Variants in THSD7A observed in about 807,000 individuals in gnomAD.
THSD7A encodes the protein thrombospondin type-1 domain-containing protein 7A.
A neutral mutation model predicts 231.3 loss-of-function variants in THSD7A; 96 were observed. The ratio of observed to expected loss-of-function variants is 0.41; its 90% confidence interval spans 0.35 to 0.49. The LOEUF (loss-of-function observed/expected upper bound fraction) is 0.49, where lower values mean the gene tolerates loss of function less well. THSD7A is among the 20% of genes least tolerant of loss of function. The pLI, the probability that THSD7A is intolerant of heterozygous loss-of-function variation, is 0.05. For synonymous variants in THSD7A, 940 were observed against 743.3 expected, an observed-to-expected ratio of 1.26 and a Z score of -4.30; for missense variants, 2,290 against 2,070.2, an observed-to-expected ratio of 1.11 and a Z score of -2.06.
At chr7:11,460,351 A>AAAAC (rs58099419) in intron 11 of THSD7A, among the ~76,000 whole-genome samples, 5,540 of 152,040 alleles carry the variant, frequency 0.036, 380 homozygotes, top group African/African-American at 0.13. Context: ...CCGTAATCTA[A>AAAAC]AAACAAACAA....
At chr7:11,764,988 GAGAT>G (rs1373535574) in intron 1 of THSD7A, among the ~76,000 whole-genome samples, 1 of 152,034 alleles carries the variant, frequency 6.6e-6, no homozygotes, top group Admixed American at 6.6e-5. Flanking sequence ...ACAAACCTGA[GAGAT>G]AAGGAAGATA....
At chr7:11,616,698 A>G (rs1347580497) in intron 2 of THSD7A, among the ~76,000 whole-genome samples, 1 of 152,010 alleles carries the variant, frequency 6.6e-6, no homozygotes, top group Non-Finnish European at 1.5e-5. Flanking sequence ...AGCTCTCCCC[A>G]GTGTCTTCTT....
intron 8 of THSD7A, among the ~76,000 whole-genome samples, chr7:11,470,724 TAAAG>T (rs1452268960): frequency 2.0e-5 from 3 of 151,718 alleles, no homozygotes; most frequent in African/African-American, 4.8e-5. Flanking sequence ...TGAAGATAAA[TAAAG>T]ATAGTAAATC....
chr7:11,447,336 G>A lies in THSD7A; in HGVS notation c.2694C>T (p.Ala898=). Residue 898 remains alanine (A), a synonymous_variant, in exon 12 of 28, where the codon GCC becomes GCT. Coordinates refer to ENST00000423059, the MANE Select transcript of THSD7A (RefSeq NM_015204.3). The part of the protein sequence containing the change: ...YAGPVPALTQ[A]CQIPCQDDCQ... ...AGTCATCCTGGCAGGGGATCTGGCAGGCCTGGGTAAGGGCTGGCACAGGGC... is the reference window on the plus strand; with the variant it reads ...AGTCATCCTGGCAGGGGATCTGGCAAGCCTGGGTAAGGGCTGGCACAGGGC... The A allele has an allele frequency of 6.2e-7, 1 of 1,612,800 alleles. No homozygotes were observed. The highest frequency in any genetic ancestry group is 2.2e-5 in the East Asian group (1 of 44,744).
intron 4 of THSD7A, among the ~76,000 whole-genome samples, chr7:11,569,129 C>G (rs1349609131): frequency 6.6e-6 from 1 of 151,894 alleles, no homozygotes; most frequent in Non-Finnish European, 1.5e-5. Flanking sequence ...TTGGTCTAGG[C>G]AAAGATTTTA....
At chr7:11,663,586 T>C (rs1783014284) in intron 1 of THSD7A, among the ~76,000 whole-genome samples, 1 of 151,604 alleles carries the variant, frequency 6.6e-6, no homozygotes, top group Non-Finnish European at 1.5e-5. Flanking sequence ...AGAAGACATA[T>C]TACAAGGAGA....
At position 11,447,187 on chromosome 7, in the gene THSD7A, C is replaced by T. The variant is rs1220877137; in HGVS notation, c.2800+43G>A. The T allele has an allele frequency of 3.8e-6, 6 of 1,583,598 alleles. No individual in the cohort carries two copies. In the Admixed American group the frequency reaches 8.4e-5, roughly 22 times the overall value. ...TCAGTCTGACTTGTATTATGTTCCT[C>T]TACTTTGACGTGTACTGGCTTTGGC... is the stretch of plus-strand genomic sequence containing the variant. On this transcript the variant is annotated intron_variant, in intron 12 of 27. Transcript: ENST00000423059.
chr7:11,422,024 A>G (rs1784161262), intron 16 of THSD7A, among the ~76,000 whole-genome samples: 1 of 152,304 alleles, frequency 6.6e-6, no homozygotes, highest in African/African-American at 2.4e-5. Flanking sequence ...AGGAGCAAGA[A>G]TTATACTTTG....
At chr7:11,521,345 C>A (rs941777762) in intron 6 of THSD7A, among the ~76,000 whole-genome samples, 12 of 152,048 alleles carry the variant, frequency 7.9e-5, no homozygotes, top group African/African-American at 2.9e-4. Flanking sequence ...TTACAAAGAA[C>A]TTTGTGACCA....
chr7:11,615,095 C>T (rs1233911840), intron 2 of THSD7A, among the ~76,000 whole-genome samples: 43 of 152,126 alleles, frequency 2.8e-4, no homozygotes. Context: ...GAATCACAGG[C>T]TGGAAAGATG....
chr7:11,693,885 A>G (rs748272097), intron 1 of THSD7A, among the ~76,000 whole-genome samples: 1 of 151,506 alleles, frequency 6.6e-6, no homozygotes, highest in Non-Finnish European at 1.5e-5. Context: ...ACTAATTAGG[A>G]TATCTCTATT....
At chr7:11,803,329 G>A (rs1784324629) in intron 1 of THSD7A, among the ~76,000 whole-genome samples, 2 of 152,126 alleles carry the variant, frequency 1.3e-5, no homozygotes, top group Non-Finnish European at 2.9e-5. Context: ...TGTAAGCAAA[G>A]TCACATGTGA....
intron 1 of THSD7A, among the ~76,000 whole-genome samples, chr7:11,799,491 T>A (rs908773963): frequency 1.3e-5 from 2 of 152,212 alleles, no homozygotes; most frequent in African/African-American, 4.8e-5. Context: ...ATAAACCTAT[T>A]AAATCATGTA....
At position 11,590,752 on chromosome 7, in the gene THSD7A, A is replaced by C. The variant is rs1780130619; in HGVS notation, c.1272-111T>G. 2 of 1,269,184 alleles carry C rather than the reference A, an allele frequency of 1.6e-6. No individual in the cohort carries two copies. The highest frequency in any genetic ancestry group is 2.1e-6 in the Non-Finnish European group (2 of 935,462). 78.6% of individuals were successfully genotyped at this position (1,269,184 alleles called of 1,614,324 possible). On this transcript the variant is annotated intron_variant, in intron 3 of 27. Coordinates refer to ENST00000423059, the MANE Select transcript of THSD7A (RefSeq NM_015204.3). The surrounding 1 kb of genome is among the most constrained non-coding windows in gnomAD (Gnocchi z 4.4). ...ATTAGTCTCAAAATCATTTTCCTAG[A>C]GAATCCATCGTAGACTACATCTATG...
chr7:11,669,344 T>C (rs1783281064), intron 1 of THSD7A, among the ~76,000 whole-genome samples: 1 of 152,002 alleles, frequency 6.6e-6, no homozygotes, highest in Non-Finnish European at 1.5e-5. Context: ...ATCATTAATT[T>C]AATATATATA....
Position 11,481,799 on chromosome 7 carries a change from G to C in THSD7A, c.2006C>G (p.Ala669Gly), listed in dbSNP as rs765150649. ...QIRARSILAY[A>G]GEEGGIRCPN... ...AGCTGGCGACTCACCTTCTTCACCC[G>C]CATAGGCCAGAATGGATCGTGCTCG... The change falls in exon 7 of 28, where the codon GCG (alanine) becomes GGG (glycine). Residue 669 changes from alanine to glycine, a missense_variant. Transcript: ENST00000423059. The C allele has an allele frequency of 3.7e-6, 6 of 1,605,158 alleles. No individual in the cohort carries two copies. Among genetic ancestry groups the C allele is most frequent in the Non-Finnish European group, 5.1e-6 (6 of 1,175,096 alleles).
chr7:11,592,055 A>G (rs1309082702), intron 3 of THSD7A, among the ~76,000 whole-genome samples: 1 of 152,236 alleles, frequency 6.6e-6, no homozygotes, highest in Non-Finnish European at 1.5e-5. Context: ...TGCAACAAAA[A>G]TAGAGGAAAC....
rs780835208 is a variant in THSD7A, at chr7:11,412,795, G to C, written c.3543C>G (p.Cys1181Trp). Residue 1181 changes from cysteine to tryptophan, a missense_variant, in exon 18 of 28, where the codon TGC (cysteine) becomes TGG (tryptophan). Physicochemically the swap from Cys to Trp is radical, Grantham distance 215. Transcript: ENST00000423059. ...ACCTTTGCCGGAAACTGCTTTGATT[G>C]CAAGGCTTAAAAAGAACAGTACAAA... is the stretch of plus-strand genomic sequence containing the variant. ...WGPWTQCVLPCNQSSFRQRSA... is the reference protein window; with the variant it reads ...WGPWTQCVLPWNQSSFRQRSA... The C allele has an allele frequency of 6.2e-7, 1 of 1,610,910 alleles. No homozygotes were observed. Among genetic ancestry groups the C allele is most frequent in the Non-Finnish European group, 8.5e-7 (1 of 1,178,260 alleles).
intron 1 of THSD7A, among the ~76,000 whole-genome samples, chr7:11,659,777 A>G (rs1241981873): frequency 6.6e-6 from 1 of 151,564 alleles, no homozygotes; most frequent in African/African-American, 2.4e-5. Flanking sequence ...GTCACTGTTA[A>G]TACATTAGTG....
Sources: gnomAD v4.1 joint callset for allele counts (sites outside exome capture counted in the v4.1 genomes callset) on GRCh38, gnomAD v4.1.1 for gene constraint, Gnocchi (gnomAD v3.1) non-coding constraint, MANE v1.5 for transcripts, NCBI Gene and HGNC (gene_info 2026-07-23, HGNC 2026-07-21) for gene names.